The following CSMD3 variants were observed in gnomAD, a reference collection of about 807,000 sequenced individuals.
CSMD3 encodes CUB and Sushi multiple domains 3.
Under a neutral mutation model 435.2 loss-of-function variants are expected in CSMD3, and 177 were observed. That is an observed-to-expected ratio of 0.41 (90% confidence interval 0.36 to 0.46). CSMD3 has a LOEUF of 0.46. Ranked by LOEUF, CSMD3 falls within the 20% of genes least tolerant of loss-of-function variation. The pLI, the probability that CSMD3 is intolerant of heterozygous loss-of-function variation, is 0.34. For missense variants in CSMD3, 4,265 were observed against 4,504.6 expected (o/e 0.95, Z 1.52); for synonymous variants, 1,656 against 1,520.5 (o/e 1.09, Z -2.07).
At position 113,391,087 on chromosome 8, in the gene CSMD3, G is replaced by C. The variant is rs192428577; in HGVS notation, c.178+45590C>G. ...GTGCAAAGAATACTGGCAAAGAAAT[G>C]CTGGCAAACTCTCGCATATCCCATT... On this transcript the variant is annotated intron_variant, in intron 1 of 70. Transcript: ENST00000297405. Among the ~76,000 whole-genome samples, 144 of 152,054 alleles carry C rather than the reference G, an allele frequency of 9.5e-4. 1 individual carries two copies. Among genetic ancestry groups the C allele is most frequent in the African/African-American group, 3.3e-3 (138 of 41,518 alleles).
chr8:113,361,799 T>A (rs1032865984), intron 1 of CSMD3, among the ~76,000 whole-genome samples: 5 of 152,148 alleles, frequency 3.3e-5, no homozygotes, highest in African/African-American at 1.2e-4. Flanking sequence ...ATTTATAATA[T>A]AAATCATATG....
intron 18 of CSMD3, among the ~76,000 whole-genome samples, chr8:112,655,485 G>A (rs1413953492): frequency 1.3e-5 from 2 of 150,916 alleles, no homozygotes; most frequent in African/African-American, 4.9e-5. Context: ...GTTTATAAAT[G>A]GAAAAAAAGC....
chr8:112,685,306 T>G (rs758332078), intron 15 of CSMD3, 100 bp downstream of exon 15: 104 of 942,194 alleles, frequency 1.1e-4, no homozygotes, highest in Admixed American at 9.3e-4. Context: ...TTTACAAATT[T>G]TCTTAACTAG....
chr8:113,242,792 A>G (rs2093233406), intron 3 of CSMD3, among the ~76,000 whole-genome samples: 2 of 152,014 alleles, frequency 1.3e-5, no homozygotes, highest in South Asian at 4.1e-4. Context: ...TTCTTTATTA[A>G]ATTCAAAAAT....
intron 2 of CSMD3, among the ~76,000 whole-genome samples, chr8:113,287,111 T>C (rs1398082023): frequency 2.6e-5 from 4 of 152,096 alleles, no homozygotes; most frequent in Non-Finnish European, 5.9e-5. Context: ...GTTTCTTTAG[T>C]GATGTGACTC....
rs568365365 is a variant in CSMD3 at position 112,311,020 on chromosome 8, A to T, written c.7843T>A (p.Tyr2615Asn). The stretch of plus-strand genomic sequence containing the variant: ...GGCGCATCCCATGCATGATACCCAT[A>T]GGAAGACTTTCTGCACACAGCACTG... The part of the protein sequence containing the change: ...KSSAVCRKSS[Y>N]GYHAWDAPVP... The change falls in exon 50 of 71, where the codon TAT becomes AAT. Residue 2615 changes from tyrosine (Y) to asparagine (N), a missense_variant. Coordinates refer to ENST00000297405, the MANE Select transcript of CSMD3 (RefSeq NM_198123.2). The T allele has an allele frequency of 2.5e-6, 4 of 1,613,964 alleles. No individual in the cohort carries two copies. Among genetic ancestry groups the T allele is most frequent in the Non-Finnish European group, 2.5e-6 (3 of 1,179,988 alleles).
chr8:113,294,899 C>G (rs2093709088), intron 2 of CSMD3, among the ~76,000 whole-genome samples: 1 of 152,038 alleles, frequency 6.6e-6, no homozygotes, highest in Admixed American at 6.6e-5. Context: ...CAAGAGTATC[C>G]TCACTAATGA....
chr8:112,390,870 TAGAC>T (rs1360938009), intron 35 of CSMD3, 82 bp from the exon 36 acceptor site: 34 of 1,260,712 alleles, frequency 2.7e-5, no homozygotes, highest in Admixed American at 7.1e-5. Flanking sequence ...GATAACATCT[TAGAC>T]AGATACTAGA....
chr8:112,644,636 G>T (rs377413140), intron 20 of CSMD3, among the ~76,000 whole-genome samples: 3 of 152,128 alleles, frequency 2.0e-5, no homozygotes, highest in East Asian at 3.9e-4. Flanking sequence ...CTGAGACACA[G>T]ATATTTATAG....
At chr8:113,041,007 C>A (rs188167921) in intron 5 of CSMD3, among the ~76,000 whole-genome samples, 1 of 151,804 alleles carries the variant, frequency 6.6e-6, no homozygotes, top group African/African-American at 2.4e-5. Context: ...ATTTCGAGAC[C>A]AGTCTGGTCA....
At chr8:113,362,892 G>A (rs966638760) in intron 1 of CSMD3, among the ~76,000 whole-genome samples, 15 of 152,124 alleles carry the variant, frequency 9.9e-5, no homozygotes, top group African/African-American at 2.9e-4. Flanking sequence ...TTTGCCTCTG[G>A]AACCCAAGAA....
chr8:112,838,700 T>C (rs2080097280), intron 11 of CSMD3, among the ~76,000 whole-genome samples: 1 of 151,816 alleles, frequency 6.6e-6, no homozygotes, highest in South Asian at 2.1e-4. Flanking sequence ...GGAGTACCTT[T>C]ATTAAAAAAT....
At chr8:112,633,056 C>T (rs1191038440) in intron 22 of CSMD3, among the ~76,000 whole-genome samples, 2 of 151,980 alleles carry the variant, frequency 1.3e-5, no homozygotes, top group African/African-American at 4.8e-5. Context: ...ATCTTGATTA[C>T]TAACTAGTAA....
chr8:113,160,585 A>G (rs1010502784), intron 4 of CSMD3, among the ~76,000 whole-genome samples: 3 of 151,866 alleles, frequency 2.0e-5, no homozygotes, highest in Non-Finnish European at 4.4e-5. Context: ...TCATTGTATA[A>G]AACAAACTGA....
At chr8:112,642,977 G>T (rs1390090991) in intron 20 of CSMD3, among the ~76,000 whole-genome samples, 1 of 152,168 alleles carries the variant, frequency 6.6e-6, no homozygotes, top group African/African-American at 2.4e-5. Context: ...GCATCCAGAG[G>T]AAGTTGATTA....
At chr8:113,107,333 C>G (rs1017515212) in intron 4 of CSMD3, among the ~76,000 whole-genome samples, 1 of 152,196 alleles carries the variant, frequency 6.6e-6, no homozygotes, top group Non-Finnish European at 1.5e-5. Context: ...ATTGCCCAGG[C>G]TGGTCTTGAA....
intron 5 of CSMD3, among the ~76,000 whole-genome samples, chr8:113,022,518 A>C (rs187454152): frequency 5.3e-5 from 8 of 151,972 alleles, no homozygotes; most frequent in African/African-American, 1.7e-4. Context: ...GGCAAATGAC[A>C]TATAACAACA....
In CSMD3 at chr8:112,313,901, C is replaced by T; in HGVS notation, c.7696+5G>A. 1 of 1,604,878 alleles carries T rather than the reference C, an allele frequency of 6.2e-7. No individual in the cohort carries two copies. Among genetic ancestry groups the T allele is most frequent in the Non-Finnish European group, 8.5e-7 (1 of 1,172,068 alleles). ...ATCTGTCCTGAAGTTATAAGTTTTA[C>T]ATACCTATATATCTTATCCGGAAGC... On this transcript the variant is annotated splice_donor_5th_base_variant and intron_variant, in intron 49 of 70. Transcript: ENST00000297405.
intron 31 of CSMD3, among the ~76,000 whole-genome samples, chr8:112,476,047 T>G (rs1819014447): frequency 6.6e-6 from 1 of 152,140 alleles, no homozygotes; most frequent in Non-Finnish European, 1.5e-5. Context: ...TTAATTTATT[T>G]TTATTTTTAT....
Sources: gnomAD v4.1 joint callset for allele counts (sites outside exome capture counted in the v4.1 genomes callset) on GRCh38, gnomAD v4.1.1 for gene constraint, MANE v1.5 for transcripts, NCBI Gene and HGNC (gene_info 2026-07-23, HGNC 2026-07-21) for gene names.